The following CPS1 variants were observed in gnomAD, a reference collection of about 807,000 sequenced individuals.
The protein encoded by CPS1 is carbamoyl-phosphate synthase 1, also known as carbamoyl-phosphate synthase [ammonia], mitochondrial.
A neutral mutation model predicts 174.6 loss-of-function variants in CPS1; 109 were observed. The ratio of observed to expected loss-of-function variants is 0.62; its 90% confidence interval spans 0.53 to 0.73. The LOEUF (loss-of-function observed/expected upper bound fraction) is 0.73, where lower values mean the gene tolerates loss of function less well. Among genes scored for constraint, CPS1 ranks in the 30% least tolerant of loss-of-function variants. The pLI, the probability that CPS1 is intolerant of heterozygous loss-of-function variation, is 0.00. For missense variants in CPS1, 1,689 were observed against 1,821.9 expected (o/e 0.93, Z 1.33); for synonymous variants, 637 against 632.0 (o/e 1.01, Z -0.12).
chr2:210,485,659 G>T (rs1694696602), intron 1 of CPS1, among the ~76,000 whole-genome samples: 1 of 152,032 alleles, frequency 6.6e-6, no homozygotes, highest in South Asian at 2.1e-4. Flanking sequence ...TGCTTCTCAA[G>T]ATGTATTTCT....
intron 21 of CPS1, among the ~76,000 whole-genome samples, chr2:210,633,726 A>T (rs1699942421): frequency 6.6e-6 from 1 of 152,208 alleles, no homozygotes; most frequent in South Asian, 2.1e-4. Flanking sequence ...GTAAGAAGGA[A>T]TGCAAACAAA....
chr2:210,658,474 G>T lies in CPS1; in HGVS notation c.3667-125G>T. ...GCCCTCCATTATAATTATTAATGTA[G>T]ATATATAGCTGTCTGTGAAGAGAAA... On this transcript the variant is annotated intron_variant, in intron 30 of 37. Coordinates refer to ENST00000233072, the MANE Select transcript of CPS1 (RefSeq NM_001875.5). 5 of 700,992 alleles carry T rather than the reference G, an allele frequency of 7.1e-6. No individual in the cohort carries two copies. In the South Asian group the frequency reaches 7.7e-5, roughly 11 times the overall value. The allele number at this position is 700,992 out of a possible 1,614,324, so 43.4% of individuals were successfully genotyped here. A position where few individuals can be genotyped will look rare whatever the true frequency, so the allele number is the denominator to read the frequency against.
chr2:210,615,261 C>A (rs1699269775), intron 20 of CPS1, among the ~76,000 whole-genome samples: 1 of 151,870 alleles, frequency 6.6e-6, no homozygotes, highest in East Asian at 1.9e-4. Flanking sequence ...AATATTAAGT[C>A]TTTGGGAACC....
intron 37 of CPS1, 88 bp from the exon 38 acceptor site, chr2:210,677,796 TGGG>T: frequency 9.6e-7 from 1 of 1,036,662 alleles, no homozygotes; most frequent in Admixed American, 1.7e-5. Flanking sequence ...CTTTGAAAAC[TGGG>T]GACAGACACT....
chr2:210,530,008 A>G (rs1696076963), intron 1 of CPS1, among the ~76,000 whole-genome samples: 2 of 152,038 alleles, frequency 1.3e-5, no homozygotes, highest in Non-Finnish European at 2.9e-5. Flanking sequence ...TAAACTTGTA[A>G]TGGTTTTCAA....
At chr2:210,648,988 G>A (rs2105909434) in intron 27 of CPS1, among the ~76,000 whole-genome samples, 1 of 152,286 alleles carries the variant, frequency 6.6e-6, no homozygotes. Context: ...AATTATAAGG[G>A]TGAGGAACAG....
chr2:210,573,834 T>C (rs551886936), intron 2 of CPS1, among the ~76,000 whole-genome samples: 4 of 152,212 alleles, frequency 2.6e-5, no homozygotes, highest in African/African-American at 9.6e-5. Context: ...TGAAATACTA[T>C]AAGAAGATTA....
intron 9 of CPS1, among the ~76,000 whole-genome samples, chr2:210,591,452 CT>C (rs1363397014): frequency 6.6e-6 from 1 of 151,982 alleles, no homozygotes; most frequent in African/African-American, 2.4e-5. Flanking sequence ...GAGCAGTCAT[CT>C]CTTTGTTATC....
At position 210,658,680 on chromosome 2, in the gene CPS1, G is replaced by C; in HGVS notation, c.3748G>C (p.Asp1250His). The change falls in exon 31 of 38, where the codon GAT becomes CAT. Residue 1250 changes from aspartate (D) to histidine (H), a missense_variant. Transcript: ENST00000233072. ...CGTCCAATTTCTTGTCAAAGGAAAT[G>C]ATGTCTTGGTAAGAAATGCCAAGGT... ...FNVQFLVKGNDVLVIECNLRA... is the reference protein window; with the variant it reads ...FNVQFLVKGNHVLVIECNLRA... The C allele has an allele frequency of 6.2e-7, 1 of 1,613,200 alleles. No individual in the cohort carries two copies. Among genetic ancestry groups the C allele is most frequent in the East Asian group, 2.2e-5 (1 of 44,844 alleles).
intron 1 of CPS1, among the ~76,000 whole-genome samples, chr2:210,490,381 C>T (rs1694844169): frequency 6.6e-6 from 1 of 152,126 alleles, no homozygotes; most frequent in Admixed American, 6.5e-5. Flanking sequence ...ATGTGACCTT[C>T]CTAGGTTGTC....
chr2:210,486,158 A>C (rs62203678), intron 1 of CPS1, among the ~76,000 whole-genome samples: 50 of 111,990 alleles, frequency 4.5e-4, no homozygotes, highest in African/African-American at 1.6e-3. Flanking sequence ...ACACACACAC[A>C]CCCTGTATAT....
Position 210,675,809 on chromosome 2 carries a change from G to GGACA in CPS1, c.4246_4249dup (p.Asn1417ThrfsTer13). 1 of 1,588,978 alleles carries GGACA rather than the reference G, an allele frequency of 6.3e-7. No homozygotes were observed. Among genetic ancestry groups the GGACA allele is most frequent in the East Asian group, 2.2e-5 (1 of 44,766 alleles). Reference sequence around the variant, plus strand: ...CCCAGTGGCATGGCCGTCTCAAGAAGGACAGAATCCCAGCCTCTCTTCCAT... The same window carrying GGACA: ...CCCAGTGGCATGGCCGTCTCAAGAAGGACAGACAGAATCCCAGCCTCTCTTCCAT... On this transcript the variant is annotated frameshift_variant, in exon 36 of 38. Coordinates refer to ENST00000233072, the MANE Select transcript of CPS1 (RefSeq NM_001875.5). LOFTEE classifies it high-confidence loss of function.
intron 1 of CPS1, among the ~76,000 whole-genome samples, chr2:210,500,623 G>T (rs906531032): frequency 6.6e-6 from 1 of 152,212 alleles, no homozygotes; most frequent in Non-Finnish European, 1.5e-5. Context: ...CTCATATCCA[G>T]GTCACACTGA....
At chr2:210,562,760 T>C (rs996021929) in intron 1 of CPS1, among the ~76,000 whole-genome samples, 10 of 152,076 alleles carry the variant, frequency 6.6e-5, no homozygotes, top group African/African-American at 2.2e-4. Context: ...TTTTCTGAAG[T>C]GCAAATAGTT....
At chr2:210,544,668 T>C (rs1282188760) in intron 1 of CPS1, among the ~76,000 whole-genome samples, 1 of 152,098 alleles carries the variant, frequency 6.6e-6, no homozygotes, top group Non-Finnish European at 1.5e-5. Flanking sequence ...AGAGGGTAGC[T>C]ATTCCTTGAC....
intron 1 of CPS1, among the ~76,000 whole-genome samples, chr2:210,566,557 A>T (rs1697309660): frequency 6.6e-6 from 1 of 152,232 alleles, no homozygotes; most frequent in South Asian, 2.1e-4. Flanking sequence ...AATAGAGTTC[A>T]TGCTTAAATT....
At chr2:210,563,037 G>A (rs188833689) in intron 1 of CPS1, among the ~76,000 whole-genome samples, 5 of 152,174 alleles carry the variant, frequency 3.3e-5, no homozygotes, top group South Asian at 2.1e-4. Flanking sequence ...ACACATGGAT[G>A]CCTGTTTTTG....
At chr2:210,673,882 TG>T (rs947908506) in intron 34 of CPS1, 2 of 151,956 alleles carry the variant, frequency 1.3e-5, no homozygotes, top group African/African-American at 4.8e-5. Flanking sequence ...TTTAATAAGG[TG>T]TGGAGCCTCA....
upstream of CPS1, among the ~76,000 whole-genome samples, chr2:210,554,354 C>T (rs188110857): frequency 4.1e-3 from 617 of 151,560 alleles, 3 homozygotes; most frequent in Middle Eastern, 6.8e-3. Flanking sequence ...CATTAAAACT[C>T]TCATGCCCAC....
Sources: gnomAD v4.1 joint callset for allele counts (sites outside exome capture counted in the v4.1 genomes callset) on GRCh38, gnomAD v4.1.1 for gene constraint, MANE v1.5 for transcripts, NCBI Gene and HGNC (gene_info 2026-07-23, HGNC 2026-07-21) for gene names.